SLIT2: variants seen among roughly 807,000 people sequenced by gnomAD.
SLIT2 encodes slit guidance ligand 2.
In SLIT2, 41 loss-of-function variants were observed where a neutral mutation model predicts 185.7. The observed-to-expected ratio is 0.22, with a 90% confidence interval of 0.17 to 0.29. SLIT2 has a LOEUF of 0.29. Among genes scored for constraint, SLIT2 ranks in the 10% least tolerant of loss-of-function variants. The probability of loss-of-function intolerance (pLI) is 1.00; values close to 1 mark genes in which losing one functional copy is unlikely to be tolerated. For synonymous variants in SLIT2, 693 were observed against 680.2 expected, an observed-to-expected ratio of 1.02 and a Z score of -0.29; for missense variants, 1,571 against 1,909.0, an observed-to-expected ratio of 0.82 and a Z score of 3.30.
intron 5 of SLIT2, among the ~76,000 whole-genome samples, chr4:20,479,664 G>C (rs1231905928): frequency 6.6e-6 from 1 of 151,234 alleles, no homozygotes; most frequent in Non-Finnish European, 1.5e-5. Context: ...ATACAATATA[G>C]TACTTCACTG....
At chr4:20,325,014 G>A (rs1020353339) in intron 4 of SLIT2, among the ~76,000 whole-genome samples, 7 of 152,010 alleles carry the variant, frequency 4.6e-5, no homozygotes, top group African/African-American at 1.7e-4. Context: ...AAGTCAGGCA[G>A]GCTTTTTCTC....
chr4:20,561,563 AT>A (rs925088705), intron 26 of SLIT2, among the ~76,000 whole-genome samples: 65 of 151,866 alleles, frequency 4.3e-4, no homozygotes, highest in Admixed American at 3.7e-3. Context: ...GTTTTGAAGC[AT>A]TATTTAGATC....
intron 4 of SLIT2, among the ~76,000 whole-genome samples, chr4:20,286,018 A>G (rs373328412): frequency 2.0e-5 from 3 of 152,336 alleles, no homozygotes; most frequent in Middle Eastern, 3.4e-3. Context: ...TCGTTTTTCA[A>G]TAATATGGAG....
chr4:20,306,199 C>T (rs111647300), intron 4 of SLIT2, among the ~76,000 whole-genome samples: 3 of 151,928 alleles, frequency 2.0e-5, no homozygotes, highest in Admixed American at 6.6e-5. Flanking sequence ...GTATGGAACA[C>T]GGGGAGAAAG....
chr4:20,390,788 A>ACC (rs1725358673), intron 4 of SLIT2, among the ~76,000 whole-genome samples: 1 of 107,406 alleles, frequency 9.3e-6, no homozygotes, highest in Non-Finnish European at 2.2e-5. Flanking sequence ...AAATATATAT[A>ACC]TACTAAGACA....
chr4:20,506,982 A>G (rs762302568), intron 9 of SLIT2, among the ~76,000 whole-genome samples: 4 of 152,008 alleles, frequency 2.6e-5, no homozygotes, highest in Non-Finnish European at 5.9e-5. Context: ...AGATAAATGA[A>G]TAAAAGTAAA....
chr4:20,280,759 C>G (rs984573993), intron 4 of SLIT2, among the ~76,000 whole-genome samples: 1 of 151,070 alleles, frequency 6.6e-6, no homozygotes, highest in Admixed American at 6.6e-5. Flanking sequence ...AGATTATTCT[C>G]TCTATTATTA....
Position 20,324,261 on chromosome 4 carries a change from A to C in SLIT2, c.395+55380A>C, listed in dbSNP as rs575747489. Among the ~76,000 whole-genome samples, 38 of 123,914 alleles carry C rather than the reference A, an allele frequency of 3.1e-4. No homozygotes were observed. In the South Asian group the frequency reaches 9.6e-3, roughly 31 times the overall value. The allele number at this position is 123,914 out of a possible 152,430, so 81.3% of individuals were successfully genotyped here. A position where few individuals can be genotyped will look rare whatever the true frequency, so the allele number is the denominator to read the frequency against. On this transcript the variant is annotated intron_variant, in intron 4 of 36. Coordinates refer to ENST00000504154, the MANE Select transcript of SLIT2 (RefSeq NM_004787.4). ...GTTGACAACCCCAGTGCATTGAGACAATGTATTGGTGAGGTGCTGATGTTG... is the reference window on the plus strand; with the variant it reads ...GTTGACAACCCCAGTGCATTGAGACCATGTATTGGTGAGGTGCTGATGTTG...
At chr4:20,257,717 ATAT>A (rs1400778692) in intron 2 of SLIT2, 148 bp from the exon 3 acceptor site, 1 of 614,722 alleles carries the variant, frequency 1.6e-6, no homozygotes, top group Non-Finnish European at 2.9e-6. Flanking sequence ...TCACTCAGAT[ATAT>A]TATTATTAAA....
At chr4:20,276,984 A>G (rs1714232912) in intron 4 of SLIT2, among the ~76,000 whole-genome samples, 1 of 152,184 alleles carries the variant, frequency 6.6e-6, no homozygotes, top group Admixed American at 6.5e-5. Context: ...TCACTGGGCG[A>G]TGGGAAAATT....
chr4:20,604,255 A>G (rs1202456133), intron 33 of SLIT2, among the ~76,000 whole-genome samples: 1 of 152,198 alleles, frequency 6.6e-6, no homozygotes, highest in Non-Finnish European at 1.5e-5. Context: ...AGTGAATTTT[A>G]TTCATGTTAA....
At chr4:20,483,510 A>G (rs1432049276) in intron 6 of SLIT2, among the ~76,000 whole-genome samples, 1 of 152,070 alleles carries the variant, frequency 6.6e-6, no homozygotes, top group Non-Finnish European at 1.5e-5. Context: ...GGCCTCAGAA[A>G]TGAAATATAT....
At chr4:20,553,733 A>G in intron 25 of SLIT2, 72 bp from the exon 26 acceptor site, 1 of 1,160,232 alleles carries the variant, frequency 8.6e-7, no homozygotes, top group Non-Finnish European at 1.1e-6. Context: ...ATACTTCCAT[A>G]CTTGTGTGTG....
chr4:20,306,670 C>T (rs79805914), intron 4 of SLIT2, among the ~76,000 whole-genome samples: 1,522 of 152,180 alleles, frequency 0.01, 91 homozygotes, highest in Admixed American at 0.078. Flanking sequence ...TCAAAACAAA[C>T]CAGTTTTTAT....
chr4:20,447,240 A>G (rs1428450437), intron 4 of SLIT2, among the ~76,000 whole-genome samples: 3 of 152,212 alleles, frequency 2.0e-5, no homozygotes, highest in African/African-American at 7.2e-5. Context: ...TTCAAGCCTA[A>G]CAGTTTTCTT....
intron 9 of SLIT2, among the ~76,000 whole-genome samples, chr4:20,504,746 T>G (rs1388910259): frequency 2.0e-5 from 3 of 152,158 alleles, no homozygotes; most frequent in Admixed American, 6.5e-5. Context: ...TGGGGGTGTG[T>G]GGGTGACGTT....
intron 15 of SLIT2, among the ~76,000 whole-genome samples, chr4:20,526,048 T>C (rs1721264263): frequency 6.6e-6 from 1 of 152,154 alleles, no homozygotes; most frequent in African/African-American, 2.4e-5. Context: ...TAAGTATCGA[T>C]TGGCCACATT....
Position 20,452,414 on chromosome 4 carries a change from G to A in SLIT2, c.396-15338G>A, listed in dbSNP as rs182947301. Among the ~76,000 whole-genome samples, 18 of 152,288 alleles carry A rather than the reference G, an allele frequency of 1.2e-4. No homozygotes were observed. In the East Asian group the frequency reaches 2.3e-3, roughly 20 times the overall value. On this transcript the variant is annotated intron_variant, in intron 4 of 36. Transcript: ENST00000504154. ...GTGTAAAGCATTTAAAAATGTCTGA[G>A]AATAGAAGCACCTTCCTACTAATTA...
At chr4:20,286,123 A>G (rs1715243414) in intron 4 of SLIT2, among the ~76,000 whole-genome samples, 1 of 152,250 alleles carries the variant, frequency 6.6e-6, no homozygotes, top group Non-Finnish European at 1.5e-5. Flanking sequence ...AGTGTTCTTT[A>G]CCATGTATAT....
Sources: gnomAD v4.1 joint callset for allele counts (sites outside exome capture counted in the v4.1 genomes callset) on GRCh38, gnomAD v4.1.1 for gene constraint, MANE v1.5 for transcripts, NCBI Gene and HGNC (gene_info 2026-07-23, HGNC 2026-07-21) for gene names.